Variants in NDUFAF2 observed in about 807,000 individuals in gnomAD.
NDUFAF2 encodes NADH:ubiquinone oxidoreductase complex assembly factor 2.
A neutral mutation model predicts 22.8 loss-of-function variants in NDUFAF2; 13 were observed. That is an observed-to-expected ratio of 0.57 (90% CI 0.37 to 0.91). The LOEUF is 0.91. Ranked by LOEUF, NDUFAF2 falls within the 40% of genes least tolerant of loss-of-function variation. The pLI is 0.01. For synonymous variants in NDUFAF2, 53 were observed against 64.2 expected (o/e 0.83, Z 0.84); for missense variants, 162 against 195.2 (o/e 0.83, Z 1.01).
chr5:60,973,649 T>A (rs1750864905), intron 1 of NDUFAF2, among the ~76,000 whole-genome samples: 1 of 152,046 alleles, frequency 6.6e-6, no homozygotes, highest in Non-Finnish European at 1.5e-5. Flanking sequence ...AGGCCTTGAG[T>A]ATTTTTGTTT....
chr5:61,133,264 T>TG (rs910357012), intron 3 of NDUFAF2, among the ~76,000 whole-genome samples: 9 of 152,150 alleles, frequency 5.9e-5, no homozygotes, highest in Non-Finnish European at 1.3e-4. Flanking sequence ...ACTATTTCTT[T>TG]GGGGAAAAAA....
chr5:60,960,463 C>G (rs1175233752), intron 1 of NDUFAF2, among the ~76,000 whole-genome samples: 2 of 152,140 alleles, frequency 1.3e-5, no homozygotes, highest in Non-Finnish European at 2.9e-5. Context: ...CAGTGTAAAT[C>G]ACATGAAACT....
At chr5:60,969,411 A>G (rs993995495) in intron 1 of NDUFAF2, among the ~76,000 whole-genome samples, 1 of 152,108 alleles carries the variant, frequency 6.6e-6, no homozygotes, top group Non-Finnish European at 1.5e-5. Flanking sequence ...CATTTTAACC[A>G]GAGTGAGATG....
intron 2 of NDUFAF2, among the ~76,000 whole-genome samples, chr5:61,095,482 G>A (rs901766081): frequency 1.3e-5 from 2 of 152,190 alleles, no homozygotes; most frequent in Non-Finnish European, 2.9e-5. Context: ...TGGGGCCTGC[G>A]GACCATCACT....
At chr5:61,150,657 A>G (rs1338322880) in intron 3 of NDUFAF2, among the ~76,000 whole-genome samples, 2 of 152,210 alleles carry the variant, frequency 1.3e-5, no homozygotes, top group Non-Finnish European at 2.9e-5. Flanking sequence ...TTCAGGTGAC[A>G]TGACTGATCT....
At chr5:61,057,713 T>A (rs1305953609) in intron 1 of NDUFAF2, among the ~76,000 whole-genome samples, 2 of 152,182 alleles carry the variant, frequency 1.3e-5, no homozygotes, top group Non-Finnish European at 2.9e-5. Context: ...GACAATAGTT[T>A]GAAAATTATT....
At chr5:60,981,325 G>A (rs760870099) in intron 1 of NDUFAF2, among the ~76,000 whole-genome samples, 2 of 152,168 alleles carry the variant, frequency 1.3e-5, no homozygotes, top group Non-Finnish European at 2.9e-5. Flanking sequence ...TATTAGAATA[G>A]TATATCTGGC....
At chr5:61,128,970 CA>C (rs1327769082) in intron 3 of NDUFAF2, among the ~76,000 whole-genome samples, 5 of 152,134 alleles carry the variant, frequency 3.3e-5, no homozygotes, top group African/African-American at 9.7e-5. Flanking sequence ...ACAACCCCAT[CA>C]AAAAGTGGGC....
At chr5:61,114,470 A>T (rs756599025) in intron 3 of NDUFAF2, 4 of 152,212 alleles carry the variant, frequency 2.6e-5, no homozygotes, top group Non-Finnish European at 5.9e-5. Flanking sequence ...CTTCCTCAAA[A>T]TAGCTATTTT....
chr5:61,122,516 AAAGATT>A (rs1752988734), intron 3 of NDUFAF2, among the ~76,000 whole-genome samples: 1 of 152,206 alleles, frequency 6.6e-6, no homozygotes, highest in African/African-American at 2.4e-5. Context: ...ATCTTTTGAA[AAAGATT>A]AATTTGTGTT....
intron 3 of NDUFAF2, among the ~76,000 whole-genome samples, chr5:61,145,203 C>T (rs1169638196): frequency 2.0e-5 from 3 of 152,086 alleles, no homozygotes; most frequent in African/African-American, 4.8e-5. Context: ...GGCTCTTAAC[C>T]AGGGCTCTTA....
At chr5:61,124,649 A>G (rs1487035522) in intron 3 of NDUFAF2, among the ~76,000 whole-genome samples, 3 of 152,128 alleles carry the variant, frequency 2.0e-5, no homozygotes, top group Admixed American at 6.6e-5. Context: ...TGGTCACCCT[A>G]CCACATTGAA....
intron 2 of NDUFAF2, among the ~76,000 whole-genome samples, chr5:61,079,829 C>T (rs1319148373): frequency 6.6e-6 from 1 of 152,172 alleles, no homozygotes; most frequent in South Asian, 2.1e-4. Flanking sequence ...CCTAGACTCC[C>T]AGCTCCATCT....
chr5:61,000,704 T>C (rs1477745015), intron 1 of NDUFAF2, among the ~76,000 whole-genome samples: 1 of 152,122 alleles, frequency 6.6e-6, no homozygotes, highest in Non-Finnish European at 1.5e-5. Flanking sequence ...TGAGGAATTT[T>C]CACCTGGCTC....
chr5:61,050,653 A>C (rs1208092750), intron 1 of NDUFAF2: 2 of 152,216 alleles, frequency 1.3e-5, no homozygotes, highest in Non-Finnish European at 2.9e-5. Flanking sequence ...TGAAGGATTT[A>C]GCAAGTTCAG....
intron 1 of NDUFAF2, among the ~76,000 whole-genome samples, chr5:61,042,044 C>G (rs554038698): frequency 1.3e-5 from 2 of 152,252 alleles, no homozygotes; most frequent in Admixed American, 6.5e-5. Flanking sequence ...AGATTTGTCA[C>G]TAATACGCTA....
intron 1 of NDUFAF2, among the ~76,000 whole-genome samples, chr5:61,013,506 T>A (rs1019869851): frequency 3.9e-5 from 6 of 152,170 alleles, no homozygotes; most frequent in Non-Finnish European, 7.4e-5. Flanking sequence ...TATTTCTAAC[T>A]AGTTATTCTT....
chr5:61,095,013 C>T (rs1752620541), intron 2 of NDUFAF2, among the ~76,000 whole-genome samples: 1 of 151,546 alleles, frequency 6.6e-6, no homozygotes, highest in South Asian at 2.1e-4. Flanking sequence ...TGCTGGGATA[C>T]CGCTTCCACC....
At chr5:61,136,041 A>ATATATATATC (rs1561136719) in intron 3 of NDUFAF2, among the ~76,000 whole-genome samples, 2 of 108,738 alleles carry the variant, frequency 1.8e-5, no homozygotes, top group Admixed American at 9.4e-5. Context: ...ATATATATAT[A>ATATATATATC]TCTAGGGTGG....
Sources: allele counts gnomAD v4.1 joint callset (sites outside exome capture counted in the v4.1 genomes callset), GRCh38; gene constraint gnomAD v4.1.1; transcripts MANE v1.5; gene names NCBI Gene and HGNC (gene_info 2026-07-23, HGNC 2026-07-21).